The following HDLBP variants were observed in gnomAD, a reference collection of about 807,000 sequenced individuals.
The protein encoded by HDLBP is vigilin.
HDLBP carries 30 observed loss-of-function variants against 137.3 expected under a neutral mutation model. The ratio of observed to expected loss-of-function variants is 0.22; its 90% CI spans 0.16 to 0.30. The LOEUF (loss-of-function observed/expected upper bound fraction) is 0.30, where lower values mean the gene tolerates loss of function less well. HDLBP is among the 10% of genes least tolerant of loss of function. The pLI, the probability that HDLBP is intolerant of heterozygous loss-of-function variation, is 1.00. For synonymous variants in HDLBP, 606 were observed against 596.0 expected (o/e 1.02, Z -0.24); for missense variants, 1,119 against 1,667.3 (o/e 0.67, Z 5.73).
At position 241,229,263 on chromosome 2, in the gene HDLBP, A is replaced by C. The variant is rs1207830968; in HGVS notation, c.*338T>G. The C allele has an allele frequency of 1.1e-5, 3 of 280,264 alleles. No individual in the cohort carries two copies. Among genetic ancestry groups the C allele is most frequent in the Admixed American group, 5.0e-5 (1 of 19,940 alleles). The allele number at this position is 280,264 out of a possible 1,614,324, so 17.4% of individuals were successfully genotyped here. On this transcript the variant is annotated 3_prime_UTR_variant, in exon 28 of 28. Transcript: ENST00000310931. Reference sequence around the variant, plus strand: ...TTATTTCCTGAGGTCATGACACAGGAAGTGGAATCCTAGCCACGGCTGCGG... The same window carrying C: ...TTATTTCCTGAGGTCATGACACAGGCAGTGGAATCCTAGCCACGGCTGCGG...
At chr2:241,249,643 C>T (rs908008389) in intron 12 of HDLBP, among the ~76,000 whole-genome samples, 198 bp downstream of exon 12, 21 of 152,376 alleles carry the variant, frequency 1.4e-4, no homozygotes, top group Admixed American at 4.6e-4. Context: ...AGCACACAGC[C>T]ATGGAGAACA....
chr2:241,279,444 A>T (rs927100655), intron 1 of HDLBP, among the ~76,000 whole-genome samples: 1 of 152,156 alleles, frequency 6.6e-6, no homozygotes, highest in Admixed American at 6.5e-5. Flanking sequence ...AGCTAATATA[A>T]CTCTGAAGAA....
At chr2:241,306,253 A>C (rs1575058668) in intron 1 of HDLBP, among the ~76,000 whole-genome samples, 1 of 149,932 alleles carries the variant, frequency 6.7e-6, no homozygotes, top group Non-Finnish European at 1.5e-5. Context: ...TGAAAAACCC[A>C]CTCAGAGATT....
intron 27 of HDLBP, 36 bp downstream of exon 27, chr2:241,229,797 C>G: frequency 1.3e-6 from 2 of 1,556,252 alleles, no homozygotes; most frequent in Non-Finnish European, 1.7e-6. Context: ...CGCCCACCCT[C>G]CCTGGGACCC....
intron 12 of HDLBP, 77 bp downstream of exon 12, chr2:241,249,764 A>G (rs1191556335): frequency 7.1e-7 from 1 of 1,409,728 alleles, no homozygotes; most frequent in East Asian, 2.3e-5. Flanking sequence ...GCCGCACACC[A>G]CAACACGCTA....
At chr2:241,255,304 G>GA in intron 8 of HDLBP, 70 bp downstream of exon 8, 1 of 1,471,610 alleles carries the variant, frequency 6.8e-7, no homozygotes, top group Non-Finnish European at 9.5e-7. Flanking sequence ...TTTACAAATC[G>GA]AGAGCTCATC....
intron 5 of HDLBP, among the ~76,000 whole-genome samples, chr2:241,258,070 A>G (rs576518145): frequency 1.3e-5 from 2 of 152,316 alleles, no homozygotes; most frequent in African/African-American, 2.4e-5. Flanking sequence ...CCTGGGCAAC[A>G]TGGTGAGACC....
chr2:241,267,534 C>T (rs1325942371), intron 2 of HDLBP: 4 of 1,518,018 alleles, frequency 2.6e-6, no homozygotes, highest in East Asian at 2.4e-5. Context: ...GATCGTTCTC[C>T]TAACAGCGAC....
At chr2:241,299,956 C>T (rs1162486577) in intron 1 of HDLBP, among the ~76,000 whole-genome samples, 2 of 152,140 alleles carry the variant, frequency 1.3e-5, no homozygotes, top group Non-Finnish European at 2.9e-5. Context: ...TGTTTAATCA[C>T]GAGTTCAACT....
chr2:241,270,454 A>G (rs1218202557), intron 1 of HDLBP, among the ~76,000 whole-genome samples: 2 of 152,202 alleles, frequency 1.3e-5, no homozygotes, highest in Admixed American at 1.3e-4. Context: ...ATCATCAAAC[A>G]ACATTTTGTT....
In HDLBP at chr2:241,239,846, A is replaced by G; in HGVS notation, c.2392-26T>C. The G allele has an allele frequency of 6.2e-7, 1 of 1,611,994 alleles. No homozygotes were observed. The highest frequency in any genetic ancestry group is 2.2e-5 in the East Asian group (1 of 44,828). On this transcript the variant is annotated intron_variant, in intron 18 of 27. Transcript: ENST00000310931. The surrounding 1 kb of genome is among the most constrained non-coding windows in gnomAD (Gnocchi z 4.6). ...CTGCAGTGTTAAGAAGAGATGGAAG[A>G]TAAGCCACCCCATCACGGCCCCAGC...
chr2:241,295,141 G>A (rs756889013), intron 1 of HDLBP, among the ~76,000 whole-genome samples: 2 of 152,094 alleles, frequency 1.3e-5, no homozygotes, highest in Non-Finnish European at 1.5e-5. Flanking sequence ...GTGGCTGACC[G>A]ACGACCATTT....
chr2:241,260,012 T>TATTA (rs902573881), intron 5 of HDLBP, among the ~76,000 whole-genome samples: 1 of 152,070 alleles, frequency 6.6e-6, no homozygotes, highest in Non-Finnish European at 1.5e-5. Context: ...TTTATTTATT[T>TATTA]ATTATTTTGA....
chr2:241,234,911 T>G (rs1243284549), intron 23 of HDLBP, among the ~76,000 whole-genome samples: 1 of 152,194 alleles, frequency 6.6e-6, no homozygotes, highest in East Asian at 1.9e-4. Context: ...ACTTTGTCAC[T>G]TTTTTATGAA....
Position 241,247,999 on chromosome 2 carries a change from C to T in HDLBP, c.1731+4G>A. ...ATACAAGAAAGGATGTGAAACACCC[C>T]TACCAGATCTGCCACCATCTTCTGC... On this transcript the variant is annotated splice_donor_region_variant and intron_variant, in intron 14 of 27. Transcript: ENST00000310931. 3 of 1,603,572 alleles carry T rather than the reference C, an allele frequency of 1.9e-6. No homozygotes were observed. Among genetic ancestry groups the T allele is most frequent in the South Asian group, 1.1e-5 (1 of 90,848 alleles).
chr2:241,272,542 G>A lies in HDLBP; in HGVS notation c.-102-4001C>T, dbSNP rs1022332229. ...CACGGCCACGCGCAGAAGAGACTCG[G>A]AGCCGGCCCCAGGTCTGGCCCGGAA... On this transcript the variant is annotated intron_variant, in intron 1 of 27. Transcript: ENST00000310931. This position sits in a 1 kb window ranked among gnomAD's most constrained non-coding sequence, Gnocchi z 5.6. 2 of 984,538 alleles carry A rather than the reference G, an allele frequency of 2.0e-6. No individual in the cohort carries two copies. Among genetic ancestry groups the A allele is most frequent in the African/African-American group, 3.5e-5 (2 of 57,208 alleles). 61.0% of individuals were successfully genotyped at this position (984,538 alleles called of 1,614,324 possible).
At chr2:241,271,530 AGGGGT>A (rs1444029874) in intron 1 of HDLBP, among the ~76,000 whole-genome samples, 1 of 152,140 alleles carries the variant, frequency 6.6e-6, no homozygotes, top group Non-Finnish European at 1.5e-5. Context: ...GCTTCACATG[AGGGGT>A]TCTACTTTTT....
intron 1 of HDLBP, among the ~76,000 whole-genome samples, chr2:241,291,698 C>T (rs1306793676): frequency 6.6e-6 from 1 of 152,162 alleles, no homozygotes; most frequent in Non-Finnish European, 1.5e-5. Context: ...GAACAATGGC[C>T]TCCAAAGATA....
chr2:241,284,982 G>A (rs1349369960), intron 1 of HDLBP, among the ~76,000 whole-genome samples: 1 of 152,190 alleles, frequency 6.6e-6, no homozygotes, highest in African/African-American at 2.4e-5. Flanking sequence ...CCGGGTTCAA[G>A]TGACTCTCCC....
Sources: allele counts gnomAD v4.1 joint callset (sites outside exome capture counted in the v4.1 genomes callset), GRCh38; gene constraint gnomAD v4.1.1; non-coding constraint Gnocchi (gnomAD v3.1); transcripts MANE v1.5; gene names NCBI Gene and HGNC (gene_info 2026-07-23, HGNC 2026-07-21).